The following PHF20 variants were observed in gnomAD, a reference collection of about 807,000 sequenced individuals.
The protein encoded by PHF20 is PHD finger protein 20, also known as glioma-expressed antigen 2.
A neutral mutation model predicts 113.5 loss-of-function variants in PHF20; 23 were observed. The observed-to-expected ratio is 0.20, with a 90% CI of 0.15 to 0.29. PHF20 has a LOEUF of 0.29. Ranked by LOEUF, PHF20 falls within the 10% of genes least tolerant of loss-of-function variation. PHF20 has a pLI of 1.00. For synonymous variants in PHF20, 434 were observed against 457.3 expected (o/e 0.95, Z 0.65); for missense variants, 943 against 1,219.6 (o/e 0.77, Z 3.38).
intron 1 of PHF20, among the ~76,000 whole-genome samples, chr20:35,789,789 G>T (rs945839223): frequency 1.4e-5 from 2 of 148,050 alleles, no homozygotes; most frequent in African/African-American, 5.0e-5. Context: ...CTCATGATCC[G>T]CCTGCCTGTG....
At chr20:35,926,935 G>A (rs140237654) in intron 13 of PHF20, among the ~76,000 whole-genome samples, 47 of 152,324 alleles carry the variant, frequency 3.1e-4, no homozygotes, top group African/African-American at 1.1e-3. Flanking sequence ...TGCTTGAAGT[G>A]CCCTAGTATC....
intron 1 of PHF20, among the ~76,000 whole-genome samples, chr20:35,791,815 AAGG>A (rs1369234608): frequency 2.0e-5 from 3 of 151,898 alleles, no homozygotes; most frequent in Non-Finnish European, 2.9e-5. Flanking sequence ...GAGGTGAGGG[AAGG>A]AGAAGGAGGT....
intron 1 of PHF20, among the ~76,000 whole-genome samples, chr20:35,781,510 A>AATTTTTGTT (rs1449847698): frequency 1.4e-4 from 21 of 152,192 alleles, no homozygotes; most frequent in Non-Finnish European, 2.8e-4. Flanking sequence ...TTTCTTCTTC[A>AATTTTTGTT]ATTTTTGTTG....
intron 1 of PHF20, among the ~76,000 whole-genome samples, chr20:35,785,869 A>G (rs970961418): frequency 1.3e-5 from 2 of 148,442 alleles, no homozygotes; most frequent in South Asian, 2.1e-4. Context: ...CGTCTCTACT[A>G]AAAATACAAA....
chr20:35,912,944 T>C (rs1021228826), intron 10 of PHF20, among the ~76,000 whole-genome samples: 2 of 152,218 alleles, frequency 1.3e-5, no homozygotes, highest in Non-Finnish European at 2.9e-5. Flanking sequence ...CTTTTCAACC[T>C]TGGGGTTGAA....
intron 2 of PHF20, among the ~76,000 whole-genome samples, chr20:35,827,935 G>A (rs2042292521): frequency 6.6e-6 from 1 of 152,108 alleles, no homozygotes; most frequent in Non-Finnish European, 1.5e-5. Context: ...GACTCCTTAA[G>A]TCTTCATGGC....
chr20:35,913,152 G>A (rs1211011537), intron 10 of PHF20, 97 bp from the exon 11 acceptor site: 3 of 653,936 alleles, frequency 4.6e-6, no homozygotes, highest in Non-Finnish European at 7.8e-6. Context: ...TTCCCAGGCA[G>A]AGCCAGACCC....
At chr20:35,912,180 A>G (rs1209818956) in intron 10 of PHF20, among the ~76,000 whole-genome samples, 1 of 149,136 alleles carries the variant, frequency 6.7e-6, no homozygotes, top group Non-Finnish European at 1.5e-5. Flanking sequence ...GGGTTTCACC[A>G]TGTTGGTCAG....
intron 2 of PHF20, among the ~76,000 whole-genome samples, chr20:35,813,203 C>G (rs2042008123): frequency 6.6e-6 from 1 of 152,072 alleles, no homozygotes; most frequent in South Asian, 2.1e-4. Flanking sequence ...ATCTCCTGGC[C>G]TCGTGATCTG....
chr20:35,826,780 C>T (rs1020053285), intron 2 of PHF20, among the ~76,000 whole-genome samples: 15 of 152,066 alleles, frequency 9.9e-5, no homozygotes, highest in Non-Finnish European at 2.9e-5. Context: ...AGGCATTCTG[C>T]TGGGTACTGA....
rs547569296 is a variant in PHF20 at position 35,876,519 on chromosome 20, C to T, written c.1282+4690C>T. 1.3e-4 allele frequency among the ~76,000 whole-genome samples: 20 copies of T among 151,928 alleles called. No homozygotes were observed. In the East Asian group the frequency reaches 1.9e-3, roughly 15 times the overall value. ...CTGGGAGGTGGAGGTTGCAGTGAGC[C>T]GAGATTGCGCCCCTGCACCCAGCTT... On this transcript the variant is annotated intron_variant, in intron 9 of 17. Transcript: ENST00000374012.
intron 2 of PHF20, among the ~76,000 whole-genome samples, chr20:35,835,576 T>C (rs2042425621): frequency 6.6e-6 from 1 of 152,198 alleles, no homozygotes; most frequent in South Asian, 2.1e-4. Context: ...CCAAATATGA[T>C]TTATTCTAGC....
At chr20:35,847,030 A>G (rs1404890249) in intron 3 of PHF20, among the ~76,000 whole-genome samples, 1 of 152,184 alleles carries the variant, frequency 6.6e-6, no homozygotes, top group Non-Finnish European at 1.5e-5. Context: ...ATCCATTCCC[A>G]GGAGAGCGAG....
chr20:35,937,597 T>A lies in PHF20; in HGVS notation c.2301-1100T>A, dbSNP rs2055889889. Among the ~76,000 whole-genome samples the A allele has an allele frequency of 2.0e-5, 3 of 152,188 alleles. No homozygotes were observed. In the South Asian group the frequency reaches 6.2e-4, roughly 31 times the overall value. On this transcript the variant is annotated intron_variant, in intron 15 of 17. Coordinates refer to ENST00000374012, the MANE Select transcript of PHF20 (RefSeq NM_016436.5). ...TCAGAGAGAATAGATTGTAAATGTT[T>A]CTTATCAGACCTAAAAAGGTGCCAG... is the stretch of plus-strand genomic sequence containing the variant.
intron 10 of PHF20, among the ~76,000 whole-genome samples, chr20:35,900,176 CTT>C (rs2055068121): frequency 6.6e-6 from 1 of 152,160 alleles, no homozygotes; most frequent in Non-Finnish European, 1.5e-5. Context: ...CATTTTATAA[CTT>C]ATTACAGAGA....
intron 9 of PHF20, among the ~76,000 whole-genome samples, chr20:35,895,681 CT>C (rs762279629): frequency 0.043 from 5,059 of 116,754 alleles, 74 homozygotes; most frequent in Non-Finnish European, 0.06. Context: ...TTTGCTTCTC[CT>C]TTTTTTTTTT....
At chr20:35,899,306 T>G in intron 9 of PHF20, 64 bp from the exon 10 acceptor site, 1 of 1,377,100 alleles carries the variant, frequency 7.3e-7, no homozygotes, top group East Asian at 2.3e-5. Context: ...CATGTGTTAA[T>G]GCATGTTTTG....
At chr20:35,791,743 G>T (rs1307883149) in intron 1 of PHF20, among the ~76,000 whole-genome samples, 1 of 151,838 alleles carries the variant, frequency 6.6e-6, no homozygotes, top group Admixed American at 6.6e-5. Context: ...GCTGAACTGG[G>T]CATCCACTTG....
At position 35,913,400 on chromosome 20, in the gene PHF20, G is replaced by A. The variant is rs1172205706; in HGVS notation, c.1660+53G>A. ...TAGGTTTCCTTACTATGAATGGGGA[G>A]GGGTTGCTTTCTCCCATTATGGCCT... On this transcript the variant is annotated intron_variant, in intron 11 of 17. Coordinates refer to ENST00000374012, the MANE Select transcript of PHF20 (RefSeq NM_016436.5). The A allele has an allele frequency of 3.9e-6, 5 of 1,274,320 alleles. No individual in the cohort carries two copies. In the Admixed American group the frequency reaches 9.7e-5, roughly 25 times the overall value. The allele number at this position is 1,274,320 out of a possible 1,614,324, so 78.9% of individuals were successfully genotyped here.
Sources: gnomAD v4.1 joint callset for allele counts (sites outside exome capture counted in the v4.1 genomes callset) on GRCh38, gnomAD v4.1.1 for gene constraint, MANE v1.5 for transcripts, NCBI Gene and HGNC (gene_info 2026-07-23, HGNC 2026-07-21) for gene names.